R3HDM1: variants seen among roughly 807,000 people sequenced by gnomAD.
The protein encoded by R3HDM1 is R3H domain-containing protein 1.
A neutral mutation model predicts 141.1 loss-of-function variants in R3HDM1; 46 were observed. The observed-to-expected ratio is 0.33, with a 90% CI of 0.26 to 0.42. The LOEUF is 0.42. Ranked by LOEUF, R3HDM1 falls within the 10% of genes least tolerant of loss-of-function variation. The pLI is 1.00. For synonymous variants in R3HDM1, 435 were observed against 472.9 expected, an observed-to-expected ratio of 0.92 and a Z score of 1.04; for missense variants, 1,184 against 1,368.3, an observed-to-expected ratio of 0.87 and a Z score of 2.12.
Position 135,688,465 on chromosome 2 carries a change from C to T in R3HDM1, c.2459+8141C>T, listed in dbSNP as rs977058290. ...ATAAGATGATGAATGAGTTTATCTTCCTGTTTTGGGGGATTTTTTTTTTCC... is the reference window on the plus strand; with the variant it reads ...ATAAGATGATGAATGAGTTTATCTTTCTGTTTTGGGGGATTTTTTTTTTCC... On this transcript the variant is annotated intron_variant, in intron 21 of 26. Coordinates refer to ENST00000683871, the MANE Select transcript of R3HDM1 (RefSeq NM_001378107.1). Among the ~76,000 whole-genome samples the T allele has an allele frequency of 9.9e-5, 15 of 151,978 alleles. No individual in the cohort carries two copies. The Middle Eastern group carries it at 9.5e-3, about 96-fold the overall frequency.
At chr2:135,566,130 T>C (rs1702739670) in intron 1 of R3HDM1, among the ~76,000 whole-genome samples, 1 of 152,204 alleles carries the variant, frequency 6.6e-6, no homozygotes, top group Non-Finnish European at 1.5e-5. Flanking sequence ...TATAGTAAAA[T>C]TGAAAACTTA....
intron 1 of R3HDM1, among the ~76,000 whole-genome samples, chr2:135,552,181 G>T (rs901546588): frequency 1.1e-4 from 17 of 151,976 alleles, no homozygotes; most frequent in African/African-American, 4.1e-4. Flanking sequence ...ACCTAATCCA[G>T]AATTTTTTTT....
At chr2:135,716,840 T>C (rs1268269703) in intron 24 of R3HDM1, among the ~76,000 whole-genome samples, 1 of 152,032 alleles carries the variant, frequency 6.6e-6, no homozygotes, top group South Asian at 2.1e-4. Flanking sequence ...TAATCCCAGC[T>C]ACTCGGGAGG....
rs1201635623 is a variant in R3HDM1, at chr2:135,604,956, C to T, written c.111C>T (p.Asn37=). The change falls in exon 3 of 27, where the codon AAC becomes AAT. Residue 37 remains asparagine, a synonymous_variant. Transcript: ENST00000683871. ...TTGAAAATCTTATCAAATCAGAAAA[C>T]TATGGGAAGATTTTGGTAGAGAAGA... is the stretch of plus-strand genomic sequence containing the variant. ...TRVENLIKSE[N]YGKILVEKNE... The T allele has an allele frequency of 6.2e-7, 1 of 1,612,354 alleles. No individual in the cohort carries two copies. The highest frequency in any genetic ancestry group is 8.5e-7 in the Non-Finnish European group (1 of 1,178,826).
At chr2:135,681,373 G>C (rs1006322235) in intron 21 of R3HDM1, among the ~76,000 whole-genome samples, 2 of 152,166 alleles carry the variant, frequency 1.3e-5, no homozygotes, top group African/African-American at 4.8e-5. Context: ...TGAAAATAGG[G>C]CTTGTGGGTA....
intron 21 of R3HDM1, among the ~76,000 whole-genome samples, chr2:135,708,091 A>G (rs1289728279): frequency 6.6e-6 from 1 of 152,216 alleles, no homozygotes; most frequent in East Asian, 1.9e-4. Context: ...TTTCATATAA[A>G]TCTCTGCCTC....
chr2:135,698,565 T>G (rs1393496924), intron 21 of R3HDM1, among the ~76,000 whole-genome samples: 3 of 152,206 alleles, frequency 2.0e-5, no homozygotes, highest in African/African-American at 4.8e-5. Flanking sequence ...TGTAATATAT[T>G]TCTAAGCACT....
intron 1 of R3HDM1, chr2:135,566,544 T>C (rs1702832668): frequency 6.3e-6 from 1 of 157,820 alleles, no homozygotes; most frequent in Non-Finnish European, 1.4e-5. Context: ...GCTAATGATG[T>C]TTGCAGAGAT....
Position 135,715,589 on chromosome 2 carries a change from C to T in R3HDM1, c.2776C>T (p.Gln926Ter). The change falls in exon 24 of 27, where the codon CAG becomes TAG. Residue 926 changes from glutamine to a stop codon, truncating the protein, a stop_gained. Coordinates refer to ENST00000683871, the MANE Select transcript of R3HDM1 (RefSeq NM_001378107.1). LOFTEE classifies it high-confidence loss of function. Reference protein sequence around the residue: ...QLSSPIISPAQSPAPAQLSTL... With the variant: ...QLSSPIISPA ...CAGTAGCCCCATTATTTCACCAGCTCAGTCGCCAGCACCAGCTCAGCTGTC... is the reference window on the plus strand; with the variant it reads ...CAGTAGCCCCATTATTTCACCAGCTTAGTCGCCAGCACCAGCTCAGCTGTC... The T allele has an allele frequency of 6.2e-7, 1 of 1,614,120 alleles. No individual in the cohort carries two copies. The highest frequency in any genetic ancestry group is 8.5e-7 in the Non-Finnish European group (1 of 1,179,982).
intron 3 of R3HDM1, among the ~76,000 whole-genome samples, chr2:135,613,998 G>A (rs1309234912): frequency 6.6e-6 from 1 of 152,138 alleles, no homozygotes; most frequent in Non-Finnish European, 1.5e-5. Context: ...AAGATATGGG[G>A]TTCTGTTTGA....
chr2:135,699,397 CAA>C (rs2073917456), intron 21 of R3HDM1, among the ~76,000 whole-genome samples: 1 of 152,096 alleles, frequency 6.6e-6, no homozygotes, highest in South Asian at 2.1e-4. Flanking sequence ...CTGCAAGGGA[CAA>C]GAGAGAGAGT....
chr2:135,622,224 C>G (rs2061578125), intron 6 of R3HDM1: 2 of 984,096 alleles, frequency 2.0e-6, no homozygotes, highest in Non-Finnish European at 2.4e-6. Context: ...AAATTTCTAT[C>G]TACCTCCAAA....
chr2:135,675,278 T>C, intron 19 of R3HDM1, 54 bp from the exon 20 acceptor site: 1 of 1,491,670 alleles, frequency 6.7e-7, no homozygotes, highest in East Asian at 2.3e-5. Flanking sequence ...TTTTTTTAAA[T>C]CTTACTAGAT....
chr2:135,536,160 G>T (rs186749515), intron 1 of R3HDM1, among the ~76,000 whole-genome samples: 1 of 151,756 alleles, frequency 6.6e-6, no homozygotes, highest in Non-Finnish European at 1.5e-5. Flanking sequence ...TTTTTTAAGA[G>T]ACAGGGATTC....
chr2:135,672,131 G>A (rs545314470), intron 19 of R3HDM1, among the ~76,000 whole-genome samples: 41 of 152,158 alleles, frequency 2.7e-4, no homozygotes, highest in Non-Finnish European at 4.6e-4. Flanking sequence ...ATTTTTTTAA[G>A]TGCTTGGCAT....
In R3HDM1 at chr2:135,724,394, G is replaced by C. The variant is rs2076995400; in HGVS notation, c.*102G>C. The stretch of plus-strand genomic sequence containing the variant: ...CTGTTAACATTATAGAGACTCCTAG[G>C]ATGTGTGTTCATGGCATTATAGCTT... On this transcript the variant is annotated 3_prime_UTR_variant, in exon 27 of 27. Transcript: ENST00000683871. 2.2e-6 allele frequency: 2 copies of C among 892,424 alleles called. No individual in the cohort carries two copies. Among genetic ancestry groups the C allele is most frequent in the Non-Finnish European group, 3.3e-6 (2 of 597,668 alleles). The allele number at this position is 892,424 out of a possible 1,614,324, so 55.3% of individuals were successfully genotyped here. A position where few individuals can be genotyped will look rare whatever the true frequency, so the allele number is the denominator to read the frequency against.
At chr2:135,608,634 C>T (rs896583103) in intron 3 of R3HDM1, among the ~76,000 whole-genome samples, 3 of 152,166 alleles carry the variant, frequency 2.0e-5, no homozygotes, top group African/African-American at 7.2e-5. Flanking sequence ...GTGGAGTTAA[C>T]TATTCTAACA....
At chr2:135,709,366 C>G in intron 21 of R3HDM1, 67 bp from the exon 22 acceptor site, 1 of 1,596,548 alleles carries the variant, frequency 6.3e-7, no homozygotes, top group Non-Finnish European at 8.5e-7. Flanking sequence ...AGCACCGCGC[C>G]CAGCCCATTC....
intron 20 of R3HDM1, among the ~76,000 whole-genome samples, chr2:135,676,867 C>CTA (rs2069267980): frequency 6.6e-6 from 1 of 152,080 alleles, no homozygotes; most frequent in Admixed American, 6.5e-5. Context: ...GAGAGAATAG[C>CTA]CTAGTTGGGA....
Sources: gnomAD v4.1 joint callset for allele counts (sites outside exome capture counted in the v4.1 genomes callset) on GRCh38, gnomAD v4.1.1 for gene constraint, MANE v1.5 for transcripts, NCBI Gene and HGNC (gene_info 2026-07-23, HGNC 2026-07-21) for gene names.